LARGE1: variants seen among roughly 807,000 people sequenced by gnomAD.
LARGE1 encodes LARGE xylosyl- and glucuronyltransferase 1, also known as xylosyl- and glucuronyltransferase LARGE1.
LARGE1 carries 43 observed loss-of-function variants against 87.6 expected under a neutral mutation model. That is an observed-to-expected ratio of 0.49 (90% CI 0.38 to 0.63). LARGE1 has a LOEUF of 0.63. Among genes scored for constraint, LARGE1 ranks in the 30% least tolerant of loss-of-function variants. The pLI is 0.00. For missense variants in LARGE1, 802 were observed against 1,000.2 expected (o/e 0.80, Z 2.67); for synonymous variants, 434 against 394.6 (o/e 1.10, Z -1.18).
At chr22:33,766,913 CATAT>C (rs34406131) in intron 1 of LARGE1, among the ~76,000 whole-genome samples, 2,658 of 111,050 alleles carry the variant, frequency 0.024, 38 homozygotes, top group Non-Finnish European at 0.036. Flanking sequence ...TAAACATATA[CATAT>C]ATATATATAT....
At chr22:33,887,074 G>C (rs1392273145) in intron 1 of LARGE1, among the ~76,000 whole-genome samples, 1 of 152,226 alleles carries the variant, frequency 6.6e-6, no homozygotes, top group Non-Finnish European at 1.5e-5. Flanking sequence ...CGAGGCCAGG[G>C]TGGGGAAGTG....
chr22:33,373,550 C>T (rs1465366128), intron 9 of LARGE1, among the ~76,000 whole-genome samples: 1 of 152,144 alleles, frequency 6.6e-6, no homozygotes, highest in African/African-American at 2.4e-5. Flanking sequence ...TCAGGTCATA[C>T]ATCATTGCCT....
the LARGE1 span, among the ~76,000 whole-genome samples, chr22:33,115,715 C>T: frequency 2.0e-5 from 3 of 150,524 alleles, no homozygotes; most frequent in East Asian, 2.0e-4. Context: ...CTACTCGGGA[C>T]GCTGAGGCAG....
At chr22:33,088,275 G>A in the LARGE1 span, among the ~76,000 whole-genome samples, 1 of 152,108 alleles carries the variant, frequency 6.6e-6, no homozygotes, top group Admixed American at 6.5e-5. Context: ...CGGCAGCATG[G>A]CATCATGGAA....
At chr22:33,848,921 G>A (rs966477554) in intron 1 of LARGE1, among the ~76,000 whole-genome samples, 1 of 152,094 alleles carries the variant, frequency 6.6e-6, no homozygotes, top group African/African-American at 2.4e-5. Flanking sequence ...GCACAATAAA[G>A]GCAAATTCTT....
At chr22:33,812,009 G>T (rs1487184125) in intron 1 of LARGE1, among the ~76,000 whole-genome samples, 2 of 152,226 alleles carry the variant, frequency 1.3e-5, no homozygotes, top group African/African-American at 4.8e-5. Context: ...ATTGGCTACA[G>T]AAAGTCTCTA....
intron 11 of LARGE1, among the ~76,000 whole-genome samples, chr22:33,315,094 A>C (rs1936007582): frequency 6.6e-6 from 1 of 152,138 alleles, no homozygotes; most frequent in Non-Finnish European, 1.5e-5. Flanking sequence ...CTGCAGTCCC[A>C]GCTACTCGGG....
Position 33,719,812 on chromosome 22 carries a change from A to C in LARGE1, c.106+41559T>G, listed in dbSNP as rs75811477. ...TGGGATTACAGACGTGAGCCACCGC[A>C]CCTGGCTCATCTATACCATATTTTT... On this transcript the variant is annotated intron_variant, in intron 2 of 14. Coordinates refer to ENST00000397394, the MANE Select transcript of LARGE1 (RefSeq NM_133642.5). 0.012 allele frequency among the ~76,000 whole-genome samples: 1,862 copies of C among 152,132 alleles called. 134 individuals are homozygous for C. In the East Asian group the frequency reaches 0.2, roughly 17 times the overall value.
At chr22:33,322,100 T>C (rs1936781702) in intron 10 of LARGE1, among the ~76,000 whole-genome samples, 1 of 152,196 alleles carries the variant, frequency 6.6e-6, no homozygotes, top group South Asian at 2.1e-4. Context: ...ATTACGGGCA[T>C]GAGCTACTGC....
chr22:33,507,949 A>T (rs2070843532), intron 6 of LARGE1, among the ~76,000 whole-genome samples: 1 of 152,138 alleles, frequency 6.6e-6, no homozygotes, highest in Non-Finnish European at 1.5e-5. Flanking sequence ...TAAATCCCAC[A>T]ATTCCTACCT....
intron 7 of LARGE1, among the ~76,000 whole-genome samples, chr22:33,397,549 T>C (rs377750942): frequency 1.5e-4 from 23 of 152,388 alleles, no homozygotes; most frequent in Middle Eastern, 3.4e-3. Flanking sequence ...CCATTGTCAT[T>C]TGTTCATCTT....
intron 4 of LARGE1, among the ~76,000 whole-genome samples, chr22:33,617,942 T>C (rs1010477968): frequency 6.6e-6 from 1 of 152,238 alleles, no homozygotes; most frequent in Non-Finnish European, 1.5e-5. Flanking sequence ...CCTTCCTTAT[T>C]TTGTCAGGAA....
the LARGE1 span, among the ~76,000 whole-genome samples, chr22:33,067,236 A>C: frequency 0.84 from 128,203 of 151,986 alleles, 54,646 homozygotes; most frequent in African/African-American, 0.96. Flanking sequence ...CATTTGAAAG[A>C]ACTGCTTGGT....
At chr22:33,399,870 T>C (rs887223420) in intron 7 of LARGE1, among the ~76,000 whole-genome samples, 15 of 152,220 alleles carry the variant, frequency 9.9e-5, no homozygotes, top group Non-Finnish European at 1.9e-4. Flanking sequence ...TTTAAGCCAC[T>C]GTTTGTGGTG....
chr22:33,247,047 ATGTG>A (rs10532057), intron 11 of LARGE1, among the ~76,000 whole-genome samples: 88,886 of 145,934 alleles, frequency 0.61, 28,902 homozygotes, highest in Non-Finnish European at 0.73. Context: ...TGCAGCCAGT[ATGTG>A]TGTGTGTGTG....
chr22:33,104,476 T>A, the LARGE1 span, among the ~76,000 whole-genome samples: 1 of 152,196 alleles, frequency 6.6e-6, no homozygotes, highest in African/African-American at 2.4e-5. Flanking sequence ...CAAGAAATGC[T>A]GCATTGGAGA....
rs736797 is a variant in LARGE1 at position 33,604,375 on chromosome 22, A to G, written c.615+60T>C. On this transcript the variant is annotated intron_variant, in intron 5 of 14. Transcript: ENST00000397394. ...TGGCATTGCTACAGTCTGCTCAACCACAAGTAATAACGCTTCCAGCTAGAG... is the reference window on the plus strand; with the variant it reads ...TGGCATTGCTACAGTCTGCTCAACCGCAAGTAATAACGCTTCCAGCTAGAG... The G allele has an allele frequency of 3.7e-6, 6 of 1,610,744 alleles. No individual in the cohort carries two copies. The South Asian group carries it at 6.6e-5, about 18-fold the overall frequency.
At chr22:33,560,873 G>T (rs1295609929) in intron 6 of LARGE1, among the ~76,000 whole-genome samples, 2 of 151,000 alleles carry the variant, frequency 1.3e-5, no homozygotes, top group Non-Finnish European at 2.9e-5. Flanking sequence ...GGAGTGCAGT[G>T]GCGCCATCTC....
intron 11 of LARGE1, among the ~76,000 whole-genome samples, chr22:33,236,869 A>G (rs1291972820): frequency 6.6e-6 from 1 of 152,300 alleles, no homozygotes; most frequent in East Asian, 1.9e-4. Flanking sequence ...GACTTAAGTA[A>G]GCGTCCTGGG....
Sources: gnomAD v4.1 joint callset for allele counts (sites outside exome capture counted in the v4.1 genomes callset) on GRCh38, gnomAD v4.1.1 for gene constraint, MANE v1.5 for transcripts, NCBI Gene and HGNC (gene_info 2026-07-23, HGNC 2026-07-21) for gene names.